FGF14: variants seen among roughly 807,000 people sequenced by gnomAD.
FGF14 encodes the protein fibroblast growth factor homologous factor 4.
In FGF14, 5 loss-of-function variants were observed where a neutral mutation model predicts 25.5. The ratio of observed to expected loss-of-function variants is 0.20; its 90% confidence interval spans 0.10 to 0.41. The LOEUF is 0.41. FGF14 is among the 10% of genes least tolerant of loss of function. FGF14 has a pLI of 1.00. For missense variants in FGF14, 222 were observed against 320.1 expected (o/e 0.69, Z 2.34); for synonymous variants, 138 against 118.3 (o/e 1.17, Z -1.08).
chr13:101,994,704 C>T (rs768167229), intron 1 of FGF14, among the ~76,000 whole-genome samples: 3 of 151,974 alleles, frequency 2.0e-5, no homozygotes, highest in Non-Finnish European at 4.4e-5. Flanking sequence ...AAATTAGTAG[C>T]ATGCAAAATT....
chr13:101,945,865 C>T (rs920565452), intron 1 of FGF14, among the ~76,000 whole-genome samples: 7 of 152,176 alleles, frequency 4.6e-5, no homozygotes, highest in Non-Finnish European at 1.0e-4. Flanking sequence ...TCCATGGTGG[C>T]ATGGGCAAGA....
intron 1 of FGF14, among the ~76,000 whole-genome samples, chr13:102,195,547 A>G (rs561516688): frequency 4.4e-4 from 67 of 151,720 alleles, no homozygotes; most frequent in Non-Finnish European, 8.2e-4. Context: ...ACATCTATTT[A>G]GCATAAAAGA....
intron 1 of FGF14, among the ~76,000 whole-genome samples, chr13:102,081,849 T>C (rs571845596): frequency 1.3e-5 from 2 of 152,262 alleles, no homozygotes; most frequent in African/African-American, 2.4e-5. Flanking sequence ...TTATAAAAAT[T>C]GTAAAAGCAA....
chr13:101,787,164 A>G (rs191362721), intron 3 of FGF14, among the ~76,000 whole-genome samples: 1,096 of 76,168 alleles, frequency 0.014, 10 homozygotes, highest in Non-Finnish European at 0.024. Flanking sequence ...GACATCATCC[A>G]TGTCACAATA....
chr13:102,285,373 T>C (rs1473869238), intron 1 of FGF14, among the ~76,000 whole-genome samples: 2 of 152,302 alleles, frequency 1.3e-5, no homozygotes, highest in African/African-American at 4.8e-5. Context: ...ACTCACTTTC[T>C]TGGAATGGTT....
At chr13:102,398,699 A>G (rs2058635087) in intron 1 of FGF14, among the ~76,000 whole-genome samples, 1 of 151,866 alleles carries the variant, frequency 6.6e-6, no homozygotes, top group Non-Finnish European at 1.5e-5. Context: ...CTATTTTGGG[A>G]TCAAAAACCT....
At chr13:102,204,986 A>G (rs1468165071) in intron 1 of FGF14, among the ~76,000 whole-genome samples, 2 of 152,198 alleles carry the variant, frequency 1.3e-5, no homozygotes, top group Non-Finnish European at 2.9e-5. Context: ...AGTTAGGTTG[A>G]TTTTGTACTT....
intron 1 of FGF14, among the ~76,000 whole-genome samples, chr13:102,165,503 A>G (rs1352037547): frequency 1.3e-5 from 2 of 151,930 alleles, no homozygotes; most frequent in Non-Finnish European, 2.9e-5. Flanking sequence ...TGATGAGTTC[A>G]TGTCCTTTGC....
At chr13:102,017,866 T>C (rs182030402) in intron 1 of FGF14, among the ~76,000 whole-genome samples, 63 of 152,244 alleles carry the variant, frequency 4.1e-4, no homozygotes, top group Non-Finnish European at 7.8e-4. Context: ...TTCTAGACTG[T>C]TCATTCTTTC....
chr13:101,843,655 C>T (rs990821518), intron 3 of FGF14, among the ~76,000 whole-genome samples: 2 of 151,894 alleles, frequency 1.3e-5, no homozygotes, highest in Admixed American at 1.3e-4. Context: ...ACAAGGATTA[C>T]GTAACTAGAT....
chr13:102,313,074 C>A lies in FGF14; in HGVS notation c.208+88397G>T, dbSNP rs2055851280. 2.0e-5 allele frequency among the ~76,000 whole-genome samples: 3 copies of A among 152,198 alleles called. 1 individual carries two copies. Among genetic ancestry groups the A allele is most frequent in the Admixed American group, 2.0e-4 (3 of 15,282 alleles). ...GACATTTAGTTCAAGGACAACAGAG[C>A]ACCTTCCAAGCACTGATAGCCTTAC... On this transcript the variant is annotated intron_variant, in intron 1 of 4. Coordinates refer to the FGF14 transcript ENST00000376131.
intron 1 of FGF14, among the ~76,000 whole-genome samples, chr13:102,175,245 C>A (rs1160451263): frequency 6.6e-6 from 1 of 152,064 alleles, no homozygotes; most frequent in Non-Finnish European, 1.5e-5. Context: ...ACAAAATAGA[C>A]ACATAGATCA....
At chr13:102,122,478 G>A (rs950713265) in intron 1 of FGF14, among the ~76,000 whole-genome samples, 14 of 152,090 alleles carry the variant, frequency 9.2e-5, no homozygotes, top group African/African-American at 1.4e-4. Context: ...TTATGACAGC[G>A]GGAGTAGCTC....
At chr13:101,735,020 A>T (rs1411793842) in intron 3 of FGF14, among the ~76,000 whole-genome samples, 2 of 152,210 alleles carry the variant, frequency 1.3e-5, no homozygotes, top group Non-Finnish European at 2.9e-5. Context: ...TAAAGAAAGT[A>T]GAGGCTTAAC....
At chr13:101,963,090 C>A (rs1482347871) in intron 1 of FGF14, among the ~76,000 whole-genome samples, 1 of 152,200 alleles carries the variant, frequency 6.6e-6, no homozygotes, top group Non-Finnish European at 1.5e-5. Context: ...CATTCTCATG[C>A]CATTCAATCC....
chr13:102,310,230 T>C (rs2055658398), intron 1 of FGF14, among the ~76,000 whole-genome samples: 1 of 152,212 alleles, frequency 6.6e-6, no homozygotes, highest in Non-Finnish European at 1.5e-5. Flanking sequence ...AGGATAGTTT[T>C]ACTCTTGCCC....
At chr13:102,252,760 G>C (rs545727275) in intron 1 of FGF14, among the ~76,000 whole-genome samples, 2 of 151,990 alleles carry the variant, frequency 1.3e-5, no homozygotes, top group South Asian at 2.1e-4. Context: ...ATGGTGGTTT[G>C]CTGCACCCAT....
intron 1 of FGF14, among the ~76,000 whole-genome samples, chr13:102,039,681 T>C (rs1480317447): frequency 1.3e-5 from 2 of 152,152 alleles, no homozygotes; most frequent in Admixed American, 1.3e-4. Flanking sequence ...CTTAACTTGA[T>C]TACGTCTGCT....
At chr13:102,355,973 A>C (rs1348944836) in intron 1 of FGF14, among the ~76,000 whole-genome samples, 1 of 152,186 alleles carries the variant, frequency 6.6e-6, no homozygotes, top group African/African-American at 2.4e-5. Flanking sequence ...AGAGAATAGC[A>C]GTTGAGTTAG....
Sources: gnomAD v4.1 joint callset for allele counts (sites outside exome capture counted in the v4.1 genomes callset) on GRCh38, gnomAD v4.1.1 for gene constraint, MANE v1.5 for transcripts, NCBI Gene and HGNC (gene_info 2026-07-23, HGNC 2026-07-21) for gene names.